Variants in WWOX observed in about 807,000 individuals in gnomAD.
WWOX encodes WW domain-containing oxidoreductase.
A neutral mutation model predicts 46.2 loss-of-function variants in WWOX; 69 were observed. The observed-to-expected ratio is 1.49, with a 90% CI of 1.23 to 1.82. WWOX has a LOEUF of 1.82. WWOX is among the 40% of genes most tolerant of loss of function. The pLI, the probability that WWOX is intolerant of heterozygous loss-of-function variation, is 0.00. For synonymous variants in WWOX, 359 were observed against 202.6 expected (o/e 1.77, Z -6.56); for missense variants, 919 against 542.6 (o/e 1.69, Z -6.89).
intron 4 of WWOX, among the ~76,000 whole-genome samples, chr16:78,120,944 C>T (rs890661011): frequency 6.6e-6 from 1 of 151,664 alleles, no homozygotes; most frequent in Non-Finnish European, 1.5e-5. Context: ...CTAAATGTTA[C>T]TAAATTTTGC....
chr16:78,111,192 G>T (rs1037399804), intron 3 of WWOX, among the ~76,000 whole-genome samples: 1 of 152,056 alleles, frequency 6.6e-6, no homozygotes, highest in Non-Finnish European at 1.5e-5. Flanking sequence ...TTCATTTTAT[G>T]TGGGCGAAAG....
chr16:79,129,608 C>G (rs2049833418), intron 8 of WWOX, among the ~76,000 whole-genome samples: 1 of 151,920 alleles, frequency 6.6e-6, no homozygotes, highest in African/African-American at 2.4e-5. Context: ...ACAAGCAAAG[C>G]ATACACTGAA....
rs60869666 is a variant in WWOX at position 78,671,756 on chromosome 16, C to T, written c.1056+239004C>T. On this transcript the variant is annotated intron_variant, in intron 8 of 8. Coordinates refer to ENST00000566780, the MANE Select transcript of WWOX (RefSeq NM_016373.4). ...CTATTTAGAATGCTATTATTTAGAA[C>T]ATAAGTATATTTAAGAAAGCACCAT... is the stretch of plus-strand genomic sequence containing the variant. Among the ~76,000 whole-genome samples, 325 of 152,246 alleles carry T rather than the reference C, an allele frequency of 2.1e-3. 1 individual carries two copies. The highest frequency in any genetic ancestry group is 7.4e-3 in the African/African-American group (309 of 41,536).
intron 8 of WWOX, among the ~76,000 whole-genome samples, chr16:78,586,960 A>G (rs371113433): frequency 7.7e-4 from 118 of 152,258 alleles, no homozygotes; most frequent in African/African-American, 2.6e-3. Flanking sequence ...CCAAGATTCT[A>G]TAGCATCTGA....
intron 8 of WWOX, among the ~76,000 whole-genome samples, chr16:78,453,923 A>G (rs1040224739): frequency 6.6e-6 from 1 of 152,012 alleles, no homozygotes; most frequent in Admixed American, 6.6e-5. Context: ...TTTCTTTTGC[A>G]TCAATTATTT....
At chr16:78,892,498 G>A (rs941649683) in intron 8 of WWOX, among the ~76,000 whole-genome samples, 5 of 152,146 alleles carry the variant, frequency 3.3e-5, no homozygotes, top group Non-Finnish European at 5.9e-5. Context: ...GGTCACCCCC[G>A]CTGTCCAGAA....
intron 8 of WWOX, among the ~76,000 whole-genome samples, chr16:78,904,873 A>G (rs1387357733): frequency 6.6e-6 from 1 of 152,104 alleles, no homozygotes; most frequent in Non-Finnish European, 1.5e-5. Flanking sequence ...TTCTCCTTTT[A>G]AAGAAGCACA....
At chr16:78,956,930 G>C (rs1012230522) in intron 8 of WWOX, among the ~76,000 whole-genome samples, 11 of 152,192 alleles carry the variant, frequency 7.2e-5, no homozygotes, top group African/African-American at 2.2e-4. Context: ...GTTTGCTACT[G>C]TCACTTCTGA....
intron 8 of WWOX, among the ~76,000 whole-genome samples, chr16:78,640,493 G>A (rs2046681150): frequency 6.6e-6 from 1 of 152,028 alleles, no homozygotes; most frequent in Non-Finnish European, 1.5e-5. Context: ...TTCCTGTACT[G>A]CATGAAGCAG....
At chr16:78,511,734 A>G (rs2085366407) in intron 8 of WWOX, among the ~76,000 whole-genome samples, 2 of 152,136 alleles carry the variant, frequency 1.3e-5, no homozygotes, top group South Asian at 4.1e-4. Context: ...GAGGCATGAA[A>G]ATTTGATGGC....
chr16:78,802,915 G>GGA (rs2050927892), intron 8 of WWOX, among the ~76,000 whole-genome samples: 1 of 10,442 alleles, frequency 9.6e-5, no homozygotes, highest in Non-Finnish European at 1.9e-4. Flanking sequence ...GACTTCATCT[G>GGA]AAAAAAAAAA....
At chr16:78,955,466 A>G (rs1341490713) in intron 8 of WWOX, among the ~76,000 whole-genome samples, 2 of 152,158 alleles carry the variant, frequency 1.3e-5, no homozygotes, top group African/African-American at 2.4e-5. Context: ...TTACTGGAGC[A>G]TGTGAGGGTG....
chr16:79,194,980 A>G (rs985294373), intron 8 of WWOX, among the ~76,000 whole-genome samples: 1 of 152,148 alleles, frequency 6.6e-6, no homozygotes, highest in Non-Finnish European at 1.5e-5. Flanking sequence ...CAGTTCTACT[A>G]CTACCGCCAC....
At chr16:78,736,153 A>G (rs1308704935) in intron 8 of WWOX, among the ~76,000 whole-genome samples, 1 of 152,194 alleles carries the variant, frequency 6.6e-6, no homozygotes, top group East Asian at 1.9e-4. Flanking sequence ...AGTGAAGAGA[A>G]GATGTGGTCT....
At chr16:78,943,193 C>T (rs1406214035) in intron 8 of WWOX, among the ~76,000 whole-genome samples, 4 of 151,784 alleles carry the variant, frequency 2.6e-5, no homozygotes, top group Non-Finnish European at 5.9e-5. Flanking sequence ...ATGTACATTT[C>T]ATTTTGCACT....
At chr16:79,032,063 T>C (rs1167891448) in intron 8 of WWOX, among the ~76,000 whole-genome samples, 1 of 144,618 alleles carries the variant, frequency 6.9e-6, no homozygotes, top group East Asian at 2.0e-4. Flanking sequence ...GTATGTAATA[T>C]ATATATTATA....
intron 8 of WWOX, among the ~76,000 whole-genome samples, chr16:78,541,473 C>CAAAAAAAAAA (rs59900108): frequency 4.4e-5 from 2 of 45,146 alleles, no homozygotes; most frequent in African/African-American, 2.2e-4. Context: ...GACTCCGTCT[C>CAAAAAAAAAA]AAAAAAAAAA....
chr16:79,132,126 A>G (rs1231480874), intron 8 of WWOX, among the ~76,000 whole-genome samples: 1 of 113,444 alleles, frequency 8.8e-6, no homozygotes, highest in Non-Finnish European at 1.8e-5. Flanking sequence ...ACACTTGCAG[A>G]AACACACACA....
chr16:78,574,050 T>G (rs901131694), intron 8 of WWOX, among the ~76,000 whole-genome samples: 2 of 152,184 alleles, frequency 1.3e-5, no homozygotes, highest in African/African-American at 4.8e-5. Context: ...AGACTTTATT[T>G]CCTTGTAGCT....
Sources: allele counts gnomAD v4.1 joint callset (sites outside exome capture counted in the v4.1 genomes callset), GRCh38; gene constraint gnomAD v4.1.1; transcripts MANE v1.5; gene names NCBI Gene and HGNC (gene_info 2026-07-23, HGNC 2026-07-21).